HDAC9: variants seen among roughly 807,000 people sequenced by gnomAD.
The protein encoded by HDAC9 is histone deacetylase 9.
HDAC9 carries 41 observed loss-of-function variants against 139.4 expected under a neutral mutation model. That is an observed-to-expected ratio of 0.29 (90% CI 0.23 to 0.38). HDAC9 has a LOEUF of 0.38. Among genes scored for constraint, HDAC9 ranks in the 10% least tolerant of loss-of-function variants. HDAC9 has a pLI of 1.00. For synonymous variants in HDAC9, 517 were observed against 476.2 expected (o/e 1.09, Z -1.12); for missense variants, 1,147 against 1,297.0 (o/e 0.88, Z 1.78).
At chr7:18,285,336 A>G (rs1418908543) in intron 2 of HDAC9, among the ~76,000 whole-genome samples, 1 of 152,120 alleles carries the variant, frequency 6.6e-6, no homozygotes, top group African/African-American at 2.4e-5. Context: ...TGACATAATT[A>G]TACCATAATT....
chr7:18,204,113 G>A (rs1016417446), intron 2 of HDAC9, among the ~76,000 whole-genome samples: 16 of 151,882 alleles, frequency 1.1e-4, no homozygotes, highest in Non-Finnish European at 7.4e-5. Context: ...CCATTAGTGG[G>A]GAAAGGTAAA....
chr7:18,864,233 A>G (rs1585179325), intron 21 of HDAC9, among the ~76,000 whole-genome samples: 6 of 152,220 alleles, frequency 3.9e-5, no homozygotes, highest in Admixed American at 3.3e-4. Context: ...ATGTAACAAC[A>G]TGGATGAACC....
At chr7:18,200,873 G>C (rs909331948) in intron 2 of HDAC9, among the ~76,000 whole-genome samples, 1 of 152,070 alleles carries the variant, frequency 6.6e-6, no homozygotes, top group African/African-American at 2.4e-5. Context: ...AAGTGAGATG[G>C]CTCTGGCTCT....
intron 12 of HDAC9, among the ~76,000 whole-genome samples, chr7:18,669,700 T>C (rs1389804596): frequency 6.6e-6 from 1 of 151,802 alleles, no homozygotes; most frequent in African/African-American, 2.4e-5. Flanking sequence ...TAAAAAATGG[T>C]TTTATAGTGT....
At chr7:18,414,593 G>A (rs1788874550) in intron 1 of HDAC9, among the ~76,000 whole-genome samples, 1 of 152,086 alleles carries the variant, frequency 6.6e-6, no homozygotes, top group Non-Finnish European at 1.5e-5. Flanking sequence ...AAGTAAACAA[G>A]TGACCTCTGA....
intron 17 of HDAC9, among the ~76,000 whole-genome samples, chr7:18,822,322 G>A (rs1016435433): frequency 6.7e-6 from 1 of 150,096 alleles, no homozygotes; most frequent in Non-Finnish European, 1.5e-5. Flanking sequence ...AGAGTCCAAG[G>A]GTTTGGTTTT....
intron 17 of HDAC9, among the ~76,000 whole-genome samples, chr7:18,820,853 G>T (rs147725827): frequency 9.9e-5 from 15 of 152,254 alleles, no homozygotes; most frequent in African/African-American, 3.6e-4. Flanking sequence ...ATAGAGATGA[G>T]TTCTCAGAAA....
chr7:18,370,435 A>G (rs1784509185), intron 1 of HDAC9, among the ~76,000 whole-genome samples: 1 of 152,110 alleles, frequency 6.6e-6, no homozygotes, highest in Admixed American at 6.5e-5. Flanking sequence ...GTGAACCCAA[A>G]CATTCTCCTT....
At chr7:18,202,339 T>G (rs1791195020) in intron 2 of HDAC9, among the ~76,000 whole-genome samples, 1 of 152,208 alleles carries the variant, frequency 6.6e-6, no homozygotes, top group Non-Finnish European at 1.5e-5. Context: ...AGATACTTAC[T>G]TATGAGAGCC....
chr7:18,168,552 A>G (rs534912328), intron 2 of HDAC9, among the ~76,000 whole-genome samples: 27 of 152,186 alleles, frequency 1.8e-4, no homozygotes, highest in Admixed American at 6.5e-4. Flanking sequence ...TCAGAGTACA[A>G]AAACTCTGTG....
intron 2 of HDAC9, among the ~76,000 whole-genome samples, chr7:18,199,961 A>G (rs975324907): frequency 6.6e-6 from 1 of 152,018 alleles, no homozygotes; most frequent in Non-Finnish European, 1.5e-5. Flanking sequence ...AAAAAAAATA[A>G]TAAGATGTAT....
rs1249702528 is a variant in HDAC9 at position 19,002,010 on chromosome 7, T to C, written c.*5948T>C. 6.6e-6 allele frequency: 1 copy of C among 152,112 alleles called. No individual in the cohort carries two copies. The highest frequency in any genetic ancestry group is 1.5e-5 in the Non-Finnish European group (1 of 67,928). The allele number at this position is 152,112 out of a possible 1,614,324, so 9.4% of individuals were successfully genotyped here. On this transcript the variant is annotated 3_prime_UTR_variant, in exon 26 of 26. Coordinates refer to ENST00000686413, the MANE Select transcript of HDAC9 (RefSeq NM_178425.4). ...TGTGGTCTGATATCCGTTTCTGTAA[T>C]AAGATCAGTTTGTTGTCCTCTGTGC...
intron 16 of HDAC9, among the ~76,000 whole-genome samples, chr7:18,784,872 T>C (rs1791562950): frequency 6.6e-6 from 1 of 151,954 alleles, no homozygotes; most frequent in Admixed American, 6.6e-5. Context: ...CTGCCACGTG[T>C]GTAGTATGAA....
chr7:18,598,564 G>A (rs1193769499), intron 6 of HDAC9, among the ~76,000 whole-genome samples: 2 of 152,114 alleles, frequency 1.3e-5, no homozygotes, highest in Non-Finnish European at 2.9e-5. Context: ...GGTTTGCACA[G>A]TTATTTTTAG....
At chr7:18,115,278 G>A (rs559711467) in intron 1 of HDAC9, among the ~76,000 whole-genome samples, 42 of 134,936 alleles carry the variant, frequency 3.1e-4, no homozygotes, top group African/African-American at 1.0e-3. Flanking sequence ...AGGTGACAGA[G>A]CGAGACTCTG....
intron 23 of HDAC9, among the ~76,000 whole-genome samples, chr7:18,937,076 G>T (rs1376153844): frequency 2.6e-5 from 3 of 117,254 alleles, no homozygotes; most frequent in Non-Finnish European, 1.6e-5. Context: ...GTCTCGCTCT[G>T]TCGCCCAGGC....
chr7:18,381,744 C>G (rs1033482667), intron 1 of HDAC9, among the ~76,000 whole-genome samples: 30 of 151,946 alleles, frequency 2.0e-4, no homozygotes, highest in African/African-American at 7.2e-4. Context: ...ACAGAGTAGA[C>G]AAATAGGTTG....
chr7:18,790,217 G>T (rs1348050135), intron 16 of HDAC9, among the ~76,000 whole-genome samples: 1 of 152,090 alleles, frequency 6.6e-6, no homozygotes, highest in Non-Finnish European at 1.5e-5. Context: ...ACAAGATTTT[G>T]GGATTTAATC....
At chr7:18,509,774 C>T (rs950558595) in intron 2 of HDAC9, among the ~76,000 whole-genome samples, 6 of 152,008 alleles carry the variant, frequency 3.9e-5, no homozygotes, top group South Asian at 2.1e-4. Context: ...CCTTCTCTCT[C>T]GATCCTCATA....
Sources: gnomAD v4.1 joint callset for allele counts (sites outside exome capture counted in the v4.1 genomes callset) on GRCh38, gnomAD v4.1.1 for gene constraint, MANE v1.5 for transcripts, NCBI Gene and HGNC (gene_info 2026-07-23, HGNC 2026-07-21) for gene names.